The following ACVR1 variants were observed in gnomAD, a reference collection of about 807,000 sequenced individuals.
ACVR1 encodes activin A receptor type 1.
ACVR1 carries 38 observed loss-of-function variants against 57.1 expected under a neutral mutation model. The ratio of observed to expected loss-of-function variants is 0.67; its 90% CI spans 0.51 to 0.87. ACVR1 has a LOEUF of 0.87. Ranked by LOEUF, ACVR1 falls within the 40% of genes least tolerant of loss-of-function variation. The probability of loss-of-function intolerance (pLI) is 0.00; values close to 1 mark genes in which losing one functional copy is unlikely to be tolerated. For synonymous variants in ACVR1, 212 were observed against 228.1 expected (o/e 0.93, Z 0.63); for missense variants, 463 against 638.2 (o/e 0.73, Z 2.96).
rs541924515 is a variant in ACVR1, at chr2:157,855,966, T to G, written c.-183+19830A>C. Among the ~76,000 whole-genome samples the G allele has an allele frequency of 4.7e-4, 72 of 152,188 alleles. No homozygotes were observed. In the South Asian group the frequency reaches 0.015, roughly 31 times the overall value. On this transcript the variant is annotated intron_variant, in intron 1 of 10. Transcript: ENST00000434821. ...AGTTCCTCGCATCATCATGAAATAGTAGCTTGAAATTTTAATGTAAACACA... is the reference window on the plus strand; with the variant it reads ...AGTTCCTCGCATCATCATGAAATAGGAGCTTGAAATTTTAATGTAAACACA...
At chr2:157,841,442 A>G (rs1377290297) in intron 1 of ACVR1, among the ~76,000 whole-genome samples, 2 of 152,194 alleles carry the variant, frequency 1.3e-5, no homozygotes, top group South Asian at 2.1e-4. Flanking sequence ...GAAGGCCACT[A>G]AGACTGCTTA....
chr2:157,826,790 G>GGAAA (rs1688393353), intron 1 of ACVR1: 1 of 114,312 alleles, frequency 8.7e-6, no homozygotes, highest in African/African-American at 4.2e-5. Context: ...GGAAAGGAAA[G>GGAAA]GGAAAGGGAA....
intron 1 of ACVR1, among the ~76,000 whole-genome samples, chr2:157,871,754 C>T (rs1274971741): frequency 6.6e-6 from 1 of 152,090 alleles, no homozygotes; most frequent in Non-Finnish European, 1.5e-5. Context: ...GAATAGTATT[C>T]GAATGTGTGG....
chr2:157,837,801 A>G (rs1186803631), intron 1 of ACVR1, among the ~76,000 whole-genome samples: 2 of 151,824 alleles, frequency 1.3e-5, no homozygotes, highest in Non-Finnish European at 2.9e-5. Context: ...GTAGGAGGAG[A>G]AGGAGGAGGA....
intron 1 of ACVR1, among the ~76,000 whole-genome samples, chr2:157,844,588 T>A (rs1299343783): frequency 6.6e-6 from 1 of 152,210 alleles, no homozygotes; most frequent in Non-Finnish European, 1.5e-5. Flanking sequence ...TACTTGACAC[T>A]TTTCATTTTA....
chr2:157,795,526 A>AT (rs1020565827), intron 3 of ACVR1, among the ~76,000 whole-genome samples: 1 of 151,960 alleles, frequency 6.6e-6, no homozygotes, highest in Non-Finnish European at 1.5e-5. Flanking sequence ...TGGATATTCC[A>AT]TTTTTTTAAA....
intron 2 of ACVR1, among the ~76,000 whole-genome samples, chr2:157,805,932 T>C (rs1168980524): frequency 6.7e-6 from 1 of 149,834 alleles, no homozygotes; most frequent in East Asian, 2.0e-4. Flanking sequence ...CAAATGATCC[T>C]GCTGCCTCAG....
chr2:157,747,301 C>T (rs566288760), intron 9 of ACVR1, among the ~76,000 whole-genome samples: 23 of 152,182 alleles, frequency 1.5e-4, no homozygotes, highest in African/African-American at 5.3e-4. Context: ...ATGTGTCAAG[C>T]CATAAAAACA....
intron 1 of ACVR1, among the ~76,000 whole-genome samples, chr2:157,858,901 G>A (rs1311304402): frequency 6.6e-6 from 1 of 152,136 alleles, no homozygotes; most frequent in Admixed American, 6.5e-5. Context: ...TTACAAGCAT[G>A]AGCCAGCATG....
intron 3 of ACVR1, among the ~76,000 whole-genome samples, chr2:157,784,648 G>A (rs572684421): frequency 6.6e-6 from 1 of 152,352 alleles, no homozygotes; most frequent in African/African-American, 2.4e-5. Context: ...GCTGGGAACA[G>A]CAGGGAGTTC....
In ACVR1 at chr2:157,876,096, G is replaced by T. The variant is rs1338562378; in HGVS notation, c.-483C>A. The stretch of plus-strand genomic sequence containing the variant: ...CGGCGGCAGCGGCAGCCACCCGGGG[G>T]AAAGAGCCGGGGGAGGGCGGGGAGG... On this transcript the variant is annotated 5_prime_UTR_variant, in exon 1 of 11. Transcript: ENST00000434821. 1.4e-5 allele frequency among the ~76,000 whole-genome samples: 2 copies of T among 140,198 alleles called. No individual in the cohort carries two copies. The highest frequency in any genetic ancestry group is 2.6e-5 in the African/African-American group (1 of 38,678). 92.0% of individuals were successfully genotyped at this position (140,198 alleles called of 152,430 possible). A position where few individuals can be genotyped will look rare whatever the true frequency, so the allele number is the denominator to read the frequency against.
At chr2:157,812,666 C>T (rs71421050) in intron 2 of ACVR1, among the ~76,000 whole-genome samples, 13 of 152,280 alleles carry the variant, frequency 8.5e-5, no homozygotes, top group Non-Finnish European at 1.3e-4. Flanking sequence ...ATCATATATA[C>T]GCAAACAATT....
chr2:157,829,504 G>T (rs2105342644), intron 1 of ACVR1, among the ~76,000 whole-genome samples: 1 of 152,258 alleles, frequency 6.6e-6, no homozygotes, highest in Middle Eastern at 3.4e-3. Context: ...AGCCATCAAT[G>T]GTTCTCCTAG....
chr2:157,840,578 A>T (rs1462612869), intron 1 of ACVR1, among the ~76,000 whole-genome samples: 1 of 152,246 alleles, frequency 6.6e-6, no homozygotes, highest in Non-Finnish European at 1.5e-5. Flanking sequence ...TTTGACCTGA[A>T]CTCAGAGAGA....
At chr2:157,804,329 C>A (rs975085932) in intron 2 of ACVR1, among the ~76,000 whole-genome samples, 3 of 152,186 alleles carry the variant, frequency 2.0e-5, no homozygotes, top group Non-Finnish European at 4.4e-5. Flanking sequence ...TCTAACATCA[C>A]AGACGTCAAC....
At chr2:157,822,859 G>T (rs1688208139) in intron 1 of ACVR1, among the ~76,000 whole-genome samples, 1 of 152,150 alleles carries the variant, frequency 6.6e-6, no homozygotes, top group Non-Finnish European at 1.5e-5. Flanking sequence ...AAGAGACTTT[G>T]TTGACCACTG....
At chr2:157,805,330 C>G (rs1687479768) in intron 2 of ACVR1, among the ~76,000 whole-genome samples, 1 of 152,164 alleles carries the variant, frequency 6.6e-6, no homozygotes, top group Non-Finnish European at 1.5e-5. Flanking sequence ...ATACTCTTCT[C>G]AATTCAATTT....
intron 8 of ACVR1, among the ~76,000 whole-genome samples, chr2:157,762,719 A>G (rs1026072847): frequency 3.3e-5 from 5 of 152,180 alleles, no homozygotes; most frequent in Non-Finnish European, 7.3e-5. Flanking sequence ...CACAGTTAGG[A>G]TATAACAGAT....
intron 1 of ACVR1, among the ~76,000 whole-genome samples, chr2:157,837,337 G>A (rs1688817022): frequency 6.6e-6 from 1 of 152,136 alleles, no homozygotes; most frequent in Admixed American, 6.6e-5. Context: ...CCAAAGTCAG[G>A]TCTCGTCTGA....
Sources: gnomAD v4.1 joint callset for allele counts (sites outside exome capture counted in the v4.1 genomes callset) on GRCh38, gnomAD v4.1.1 for gene constraint, MANE v1.5 for transcripts, NCBI Gene and HGNC (gene_info 2026-07-23, HGNC 2026-07-21) for gene names.